Variants in NYAP2 observed in about 807,000 individuals in gnomAD.
NYAP2 encodes neuronal tyrosine-phosphorylated phosphoinositide-3-kinase adaptor 2, also known as neuronal tyrosine-phosphorylated phosphoinositide-3-kinase adapter 2.
Under a neutral mutation model 50.4 loss-of-function variants are expected in NYAP2, and 23 were observed. The observed-to-expected ratio is 0.46, with a 90% CI of 0.33 to 0.65. The LOEUF is 0.65. Among genes scored for constraint, NYAP2 ranks in the 30% least tolerant of loss-of-function variants. NYAP2 has a pLI of 0.02. For missense variants in NYAP2, 885 were observed against 861.0 expected (o/e 1.03, Z -0.35); for synonymous variants, 394 against 365.2 (o/e 1.08, Z -0.90).
At chr2:225,589,516 A>AATATATAT (rs71062993) in intron 5 of NYAP2, among the ~76,000 whole-genome samples, 9,699 of 70,806 alleles carry the variant, frequency 0.14, 818 homozygotes, top group South Asian at 0.24. Context: ...CTAAAAGTAA[A>AATATATAT]ATATATATAT....
intron 3 of NYAP2, among the ~76,000 whole-genome samples, chr2:225,487,963 TC>T (rs1434546130): frequency 6.6e-6 from 1 of 152,162 alleles, no homozygotes; most frequent in Non-Finnish European, 1.5e-5. Context: ...TAGCTGACAT[TC>T]CCAAAGTGCT....
chr2:225,486,557 C>T (rs1433732161), intron 3 of NYAP2, among the ~76,000 whole-genome samples: 1 of 152,136 alleles, frequency 6.6e-6, no homozygotes, highest in Admixed American at 6.5e-5. Flanking sequence ...CTTCCAAATC[C>T]CACTGATTTT....
chr2:225,569,391 A>C (rs1255024184), intron 4 of NYAP2, among the ~76,000 whole-genome samples: 3 of 152,062 alleles, frequency 2.0e-5, no homozygotes, highest in Non-Finnish European at 4.4e-5. Context: ...ATAACAACTC[A>C]ATTCTGTGCT....
Position 225,582,594 on chromosome 2 carries a change from C to T in NYAP2, c.1177C>T (p.Leu393=). Reference sequence around the variant, plus strand: ...GTCCCACGTCCCCGGCCATGCGAAACTGGAGAAAGAGCAGGCCGCGGCCCT... The same window carrying T: ...GTCCCACGTCCCCGGCCATGCGAAATTGGAGAAAGAGCAGGCCGCGGCCCT... Residue 393 remains leucine, a synonymous_variant, in exon 5 of 7, where the codon CTG becomes TTG. Coordinates refer to ENST00000636099, the Ensembl canonical transcript of NYAP2. The surrounding 1 kb of genome is among the most constrained non-coding windows in gnomAD (Gnocchi z 7.0). 6.3e-7 allele frequency: 1 copy of T among 1,598,746 alleles called. No homozygotes were observed. The highest frequency in any genetic ancestry group is 8.5e-7 in the Non-Finnish European group (1 of 1,173,282).
At chr2:225,505,003 G>A (rs916145716) in intron 3 of NYAP2, among the ~76,000 whole-genome samples, 10 of 132,878 alleles carry the variant, frequency 7.5e-5, no homozygotes, top group African/African-American at 1.7e-4. Flanking sequence ...GCAAGACTGC[G>A]TCTCGAAAAA....
intron 4 of NYAP2, among the ~76,000 whole-genome samples, chr2:225,550,656 G>A (rs1462531016): frequency 6.6e-6 from 1 of 152,168 alleles, no homozygotes; most frequent in Non-Finnish European, 1.5e-5. Flanking sequence ...TGTGAATTAT[G>A]GGAGGAATGA....
intron 6 of NYAP2, among the ~76,000 whole-genome samples, chr2:225,635,204 G>T (rs1014743578): frequency 6.6e-6 from 1 of 152,204 alleles, no homozygotes; most frequent in Admixed American, 6.5e-5. Context: ...AGGACTGCGA[G>T]CTGCAGAACA....
At chr2:225,525,457 G>A (rs1237500019) in intron 4 of NYAP2, among the ~76,000 whole-genome samples, 1 of 152,166 alleles carries the variant, frequency 6.6e-6, no homozygotes, top group East Asian at 1.9e-4. Flanking sequence ...AACAATGAAT[G>A]AAATGTCTTT....
chr2:225,412,663 A>G (rs1465506482), intron 3 of NYAP2, among the ~76,000 whole-genome samples: 2 of 152,140 alleles, frequency 1.3e-5, no homozygotes, highest in East Asian at 1.9e-4. Flanking sequence ...AGAAACAGAA[A>G]GGTGGAATTA....
intron 3 of NYAP2, among the ~76,000 whole-genome samples, chr2:225,508,331 G>T (rs926875642): frequency 6.6e-6 from 1 of 152,130 alleles, no homozygotes; most frequent in African/African-American, 2.4e-5. Context: ...TCATTTAAAT[G>T]CTCAGTCTGA....
intron 5 of NYAP2, among the ~76,000 whole-genome samples, chr2:225,590,852 T>C (rs1692488799): frequency 6.6e-6 from 1 of 152,222 alleles, no homozygotes. Context: ...AAGAATGGAA[T>C]ACATGGTGGG....
chr2:225,659,256 G>A, the NYAP2 span, among the ~76,000 whole-genome samples: 1 of 152,168 alleles, frequency 6.6e-6, no homozygotes, highest in South Asian at 2.1e-4. Flanking sequence ...CAGAGCTACA[G>A]GTGTGAAGTA....
chr2:225,544,797 T>C (rs1172017129), intron 4 of NYAP2, among the ~76,000 whole-genome samples: 1 of 152,156 alleles, frequency 6.6e-6, no homozygotes, highest in African/African-American at 2.4e-5. Flanking sequence ...TTCATGTGAT[T>C]TCTTCTTGCT....
the NYAP2 span, among the ~76,000 whole-genome samples, chr2:225,665,427 G>A: frequency 6.6e-6 from 1 of 152,024 alleles, no homozygotes; most frequent in Non-Finnish European, 1.5e-5. Flanking sequence ...CCGAAAGAAG[G>A]TCTCTCCCCT....
At chr2:225,630,874 G>T (rs756735658) in intron 6 of NYAP2, among the ~76,000 whole-genome samples, 17 of 152,200 alleles carry the variant, frequency 1.1e-4, no homozygotes, top group Non-Finnish European at 2.5e-4. Flanking sequence ...AGATTTACGA[G>T]GGAAAGTCAG....
intron 4 of NYAP2, among the ~76,000 whole-genome samples, chr2:225,554,206 T>C (rs1447182826): frequency 6.6e-6 from 1 of 150,678 alleles, no homozygotes; most frequent in East Asian, 1.9e-4. Context: ...TTATTGTTGT[T>C]GTTTTTTTTT....
chr2:225,637,649 G>A (rs1693444210), intron 6 of NYAP2, among the ~76,000 whole-genome samples: 1 of 152,146 alleles, frequency 6.6e-6, no homozygotes, highest in Non-Finnish European at 1.5e-5. Flanking sequence ...AGGGGCCTTG[G>A]AGGGTACTGT....
chr2:225,489,735 A>G (rs1190397793), intron 3 of NYAP2, among the ~76,000 whole-genome samples: 1 of 152,258 alleles, frequency 6.6e-6, no homozygotes, highest in East Asian at 1.9e-4. Context: ...CGGGGGTTGA[A>G]CTCACACAGT....
chr2:225,693,752 C>G, the NYAP2 span, among the ~76,000 whole-genome samples: 1 of 152,006 alleles, frequency 6.6e-6, no homozygotes, highest in Non-Finnish European at 1.5e-5. Context: ...GGTCCCACCT[C>G]TTAGTACCAT....
Sources: allele counts gnomAD v4.1 joint callset (sites outside exome capture counted in the v4.1 genomes callset), GRCh38; gene constraint gnomAD v4.1.1; non-coding constraint Gnocchi (gnomAD v3.1); transcripts MANE v1.5; gene names NCBI Gene and HGNC (gene_info 2026-07-23, HGNC 2026-07-21).